The following CIDEC variants were observed in gnomAD, a reference collection of about 807,000 sequenced individuals.
The protein encoded by CIDEC is cell death inducing DFFA like effector c.
CIDEC carries 11 observed loss-of-function variants against 21.9 expected under a neutral mutation model. The ratio of observed to expected loss-of-function variants is 0.50; its 90% CI spans 0.32 to 0.83. The LOEUF is 0.83. Among genes scored for constraint, CIDEC ranks in the 40% least tolerant of loss-of-function variants. CIDEC has a pLI of 0.04. For missense variants in CIDEC, 302 were observed against 302.3 expected (o/e 1.00, Z 0.01); for synonymous variants, 127 against 124.9 (o/e 1.02, Z -0.11).
Position 9,866,987 on chromosome 3 carries a change from T to C in CIDEC, c.*147A>G, listed in dbSNP as rs138407280. 9.7e-4 allele frequency: 882 copies of C among 911,724 alleles called. 5 individuals are homozygous for C. The highest frequency in any genetic ancestry group is 6.9e-3 in the East Asian group (284 of 41,012). The allele number at this position is 911,724 out of a possible 1,614,324, so 56.5% of individuals were successfully genotyped here. Reference sequence around the variant, plus strand: ...GGCCAACCCACCCCAGGTTTCCAGCTCCTCCTCCTCACTCAGGGTCCTGCG... The same window carrying C: ...GGCCAACCCACCCCAGGTTTCCAGCCCCTCCTCCTCACTCAGGGTCCTGCG... On this transcript the variant is annotated 3_prime_UTR_variant, in exon 7 of 7. Transcript: ENST00000336832.
chr3:9,878,422 G>A lies in CIDEC; in HGVS notation c.53+12C>T, dbSNP rs1387001820. ...GTGGCTCTCTTTCCATTCTGCCCATGACTTTCCTCACCTGGAGAGGGACTT... is the reference window on the plus strand; with the variant it reads ...GTGGCTCTCTTTCCATTCTGCCCATAACTTTCCTCACCTGGAGAGGGACTT... On this transcript the variant is annotated intron_variant, in intron 3 of 6. Transcript: ENST00000336832. 3.1e-6 allele frequency: 5 copies of A among 1,602,694 alleles called. No homozygotes were observed. In the African/African-American group the frequency reaches 6.7e-5, roughly 21 times the overall value.
At chr3:9,878,257 A>C in intron 3 of CIDEC, 177 bp downstream of exon 3, 1 of 663,526 alleles carries the variant, frequency 1.5e-6, no homozygotes, top group Admixed American at 2.2e-5. Context: ...AGCAGCATTA[A>C]TATCACCCAG....
rs190316554 is a variant in CIDEC, at chr3:9,872,525, A to G, written c.208-2203T>C. 4.6e-3 allele frequency among the ~76,000 whole-genome samples: 694 copies of G among 152,240 alleles called. 16 individuals carry two copies. The South Asian group carries it at 0.071, about 16-fold the overall frequency. On this transcript the variant is annotated intron_variant, in intron 4 of 6. Coordinates refer to ENST00000336832, the MANE Select transcript of CIDEC (RefSeq NM_001321142.2). The stretch of plus-strand genomic sequence containing the variant: ...CCACTGTGTTATCTTCTTTGGAGAA[A>G]TATCTACTCAAATCCTTTGCGCATT...
At chr3:9,870,544 T>C in intron 4 of CIDEC, 2 of 1,366,784 alleles carry the variant, frequency 1.5e-6, no homozygotes, top group Non-Finnish European at 2.0e-6. Context: ...ACAGTTTACA[T>C]ACTCTAAAAG....
At chr3:9,869,787 A>C in intron 6 of CIDEC, 95 bp downstream of exon 6, 1 of 1,174,312 alleles carries the variant, frequency 8.5e-7, no homozygotes, top group Non-Finnish European at 1.2e-6. Context: ...CCAAAGCCAG[A>C]CCCAGGCGCT....
chr3:9,871,028 C>G (rs1180240038), intron 4 of CIDEC, among the ~76,000 whole-genome samples: 1 of 151,706 alleles, frequency 6.6e-6, no homozygotes, highest in East Asian at 1.9e-4. Context: ...TGGATGAACG[C>G]TTGGATTGTT....
In CIDEC at chr3:9,878,651, C is replaced by G. The variant is rs1223486169; in HGVS notation, c.-25-140G>C. ...TATCCCAACTCACACATACCTCCCC[C>G]AGCCCTTCTCCTGTCCGGCCCCATG... On this transcript the variant is annotated intron_variant, in intron 2 of 6. Coordinates refer to ENST00000336832, the MANE Select transcript of CIDEC (RefSeq NM_001321142.2). 3 of 1,277,584 alleles carry G rather than the reference C, an allele frequency of 2.3e-6. No individual in the cohort carries two copies. The East Asian group carries it at 7.6e-5, about 32-fold the overall frequency. The allele number at this position is 1,277,584 out of a possible 1,614,324, so 79.1% of individuals were successfully genotyped here. A position where few individuals can be genotyped will look rare whatever the true frequency, so the allele number is the denominator to read the frequency against.
chr3:9,877,177 C>T lies in CIDEC; in HGVS notation c.96G>A (p.Leu32=). ...VRTSVVTQQL[L]SEPSPKAPRA... ...TGGGGGCCTTGGGGCTGGGCTCCGACAGCAGCTGCTGGGTCACCACAGAGG... is the reference window on the plus strand; with the variant it reads ...TGGGGGCCTTGGGGCTGGGCTCCGATAGCAGCTGCTGGGTCACCACAGAGG... Residue 32 remains leucine (L), a synonymous_variant, in exon 4 of 7, where the codon CTG becomes CTA. Coordinates refer to ENST00000336832, the MANE Select transcript of CIDEC (RefSeq NM_001321142.2). 8 of 1,550,898 alleles carry T rather than the reference C, an allele frequency of 5.2e-6. No homozygotes were observed. The highest frequency in any genetic ancestry group is 7.0e-6 in the Non-Finnish European group (8 of 1,147,120).
At chr3:9,874,507 C>T (rs2082393016) in intron 4 of CIDEC, among the ~76,000 whole-genome samples, 1 of 137,790 alleles carries the variant, frequency 7.3e-6, no homozygotes, top group African/African-American at 2.7e-5. Context: ...TGGAGCGAGA[C>T]CCTTTCTCTA....
At chr3:9,878,339 G>T in intron 3 of CIDEC, 95 bp downstream of exon 3, 10 of 946,796 alleles carry the variant, frequency 1.1e-5, no homozygotes, top group Non-Finnish European at 1.4e-5. Context: ...CTTGAACAAG[G>T]TCCCCTGTGA....
intron 4 of CIDEC, among the ~76,000 whole-genome samples, chr3:9,873,233 TTTAC>T (rs1331004752): frequency 4.6e-5 from 7 of 152,350 alleles, no homozygotes; most frequent in Admixed American, 3.9e-4. Flanking sequence ...TTGGTCCATT[TTTAC>T]TTACTTCTCT....
At chr3:9,878,879 T>C in intron 2 of CIDEC, 63 bp downstream of exon 2, 1 of 1,450,644 alleles carries the variant, frequency 6.9e-7, no homozygotes, top group Non-Finnish European at 9.4e-7. Flanking sequence ...GGGGACAGAG[T>C]CCACTTTACG....
At chr3:9,877,429 G>A (rs1405334115) in intron 3 of CIDEC, among the ~76,000 whole-genome samples, 1 of 152,206 alleles carries the variant, frequency 6.6e-6, no homozygotes, top group Non-Finnish European at 1.5e-5. Context: ...GAAGGCTGAG[G>A]TGGGCAGATC....
Position 9,870,088 on chromosome 3 carries a change from A to T in CIDEC, c.367-19T>A. 6.2e-7 allele frequency: 1 copy of T among 1,614,092 alleles called. No homozygotes were observed. The highest frequency in any genetic ancestry group is 8.5e-7 in the Non-Finnish European group (1 of 1,179,982). ...TTGTCCCCTGCATTGAGACAAGCAA[A>T]TGGTTAGCACCCCTTGAAGACATCT... On this transcript the variant is annotated intron_variant, in intron 5 of 6. Transcript: ENST00000336832.
chr3:9,874,776 G>C (rs1166597107), intron 4 of CIDEC, among the ~76,000 whole-genome samples: 2 of 152,034 alleles, frequency 1.3e-5, no homozygotes, highest in Admixed American at 6.6e-5. Context: ...TGTCACACAG[G>C]CTGCAGTGCA....
chr3:9,867,385 C>A (rs1485636266), intron 6 of CIDEC, 89 bp from the exon 7 acceptor site: 2 of 1,423,184 alleles, frequency 1.4e-6, no homozygotes, highest in Non-Finnish European at 1.9e-6. Flanking sequence ...TTTGGGAGGC[C>A]ATGGAGGGCG....
intron 6 of CIDEC, 52 bp downstream of exon 6, chr3:9,869,830 C>A: frequency 6.5e-7 from 1 of 1,531,098 alleles, no homozygotes; most frequent in East Asian, 2.3e-5. Flanking sequence ...CAGATAGGGG[C>A]TCTCCCATTG....
At position 9,872,181 on chromosome 3, in the gene CIDEC, C is replaced by CTTTTTTTT. The variant is rs60836522; in HGVS notation, c.208-1867_208-1860dup. 9.3e-3 allele frequency among the ~76,000 whole-genome samples: 1,340 copies of CTTTTTTTT among 144,680 alleles called. 13 individuals are homozygous for CTTTTTTTT. Among genetic ancestry groups the CTTTTTTTT allele is most frequent in the Non-Finnish European group, 0.017 (1,104 of 65,598 alleles). 94.9% of individuals were successfully genotyped at this position (144,680 alleles called of 152,430 possible). A position where few individuals can be genotyped will look rare whatever the true frequency, so the allele number is the denominator to read the frequency against. ...CCCCTAATGATTAATGATGCTGAGC[C>CTTTTTTTT]TTTTTTTTTTGAAACAGGGTCTTGC... is the stretch of plus-strand genomic sequence containing the variant. On this transcript the variant is annotated intron_variant, in intron 4 of 6. Coordinates refer to ENST00000336832, the MANE Select transcript of CIDEC (RefSeq NM_001321142.2).
In CIDEC at chr3:9,878,961, C is replaced by G; in HGVS notation, c.-45G>C. On this transcript the variant is annotated 5_prime_UTR_variant, in exon 2 of 7. Coordinates refer to ENST00000336832, the MANE Select transcript of CIDEC (RefSeq NM_001321142.2). ...CCTCACCTCTAGTCCAGAGACCTCA[C>G]AGGCAGGCAGCCCAGTCAAAGCCTC... 2 of 726,874 alleles carry G rather than the reference C, an allele frequency of 2.8e-6. No individual in the cohort carries two copies. Among genetic ancestry groups the G allele is most frequent in the South Asian group, 3.2e-5 (2 of 62,606 alleles). 45.0% of individuals were successfully genotyped at this position (726,874 alleles called of 1,614,324 possible). A position where few individuals can be genotyped will look rare whatever the true frequency, so the allele number is the denominator to read the frequency against.
Sources: allele counts gnomAD v4.1 joint callset (sites outside exome capture counted in the v4.1 genomes callset), GRCh38; gene constraint gnomAD v4.1.1; transcripts MANE v1.5; gene names NCBI Gene and HGNC (gene_info 2026-07-23, HGNC 2026-07-21).